SND1: variants seen among roughly 807,000 people sequenced by gnomAD.
The protein encoded by SND1 is staphylococcal nuclease and tudor domain containing 1.
In SND1, 38 loss-of-function variants were observed where a neutral mutation model predicts 121.7. The observed-to-expected ratio is 0.31, with a 90% CI of 0.24 to 0.41. The LOEUF (loss-of-function observed/expected upper bound fraction) is 0.41, where lower values mean the gene tolerates loss of function less well. Among genes scored for constraint, SND1 ranks in the 10% least tolerant of loss-of-function variants. The pLI is 1.00. For synonymous variants in SND1, 401 were observed against 447.4 expected, an observed-to-expected ratio of 0.90 and a Z score of 1.31; for missense variants, 868 against 1,184.6, an observed-to-expected ratio of 0.73 and a Z score of 3.92.
chr7:127,998,732 A>C (rs1254837519), intron 16 of SND1: 1 of 152,220 alleles, frequency 6.6e-6, no homozygotes, highest in Non-Finnish European at 1.5e-5. Context: ...TCACAAGGAG[A>C]AAAGTGGAGG....
In SND1 at chr7:128,029,122, G is replaced by T; in HGVS notation, c.1779+38066G>T. On this transcript the variant is annotated intron_variant, in intron 16 of 23. Coordinates refer to ENST00000354725, the MANE Select transcript of SND1 (RefSeq NM_014390.4). The surrounding 1 kb of genome is among the most constrained non-coding windows in gnomAD (Gnocchi z 4.2). ...ATCTTGTCAGTGGTGTCTGTCGCGGGTACTGCCACCTGCTTGGGCACACGG... is the reference window on the plus strand; with the variant it reads ...ATCTTGTCAGTGGTGTCTGTCGCGGTTACTGCCACCTGCTTGGGCACACGG... 1 of 1,614,116 alleles carries T rather than the reference G, an allele frequency of 6.2e-7. No individual in the cohort carries two copies. Among genetic ancestry groups the T allele is most frequent in the Non-Finnish European group, 8.5e-7 (1 of 1,180,032 alleles).
chr7:127,852,319 C>T (rs979419380), intron 12 of SND1, among the ~76,000 whole-genome samples: 10 of 148,878 alleles, frequency 6.7e-5, no homozygotes, highest in African/African-American at 2.2e-4. Flanking sequence ...TATGATGAAA[C>T]CCCATCTCTA....
chr7:127,711,608 C>T (rs906021665), intron 9 of SND1, among the ~76,000 whole-genome samples: 10 of 151,972 alleles, frequency 6.6e-5, no homozygotes, highest in Non-Finnish European at 1.2e-4. Flanking sequence ...CATATTATGC[C>T]TCAATGTTTA....
At chr7:127,984,275 T>A (rs934299985) in intron 15 of SND1, among the ~76,000 whole-genome samples, 8 of 152,242 alleles carry the variant, frequency 5.3e-5, no homozygotes, top group African/African-American at 1.9e-4. Flanking sequence ...CTGGTCAGTG[T>A]TGACCACTTC....
Position 128,085,395 on chromosome 7 carries a change from C to T in SND1, c.2235-316C>T, listed in dbSNP as rs1793672521. On this transcript the variant is annotated intron_variant, in intron 19 of 23. Coordinates refer to ENST00000354725, the MANE Select transcript of SND1 (RefSeq NM_014390.4). This position sits in a 1 kb window ranked among gnomAD's most constrained non-coding sequence, Gnocchi z 4.4. ...AGGCAGATCTGCTGGCTAATTACAG[C>T]TGCTGTTTAGTGCACTGGGTTTAAA... is the stretch of plus-strand genomic sequence containing the variant. Among the ~76,000 whole-genome samples the T allele has an allele frequency of 6.6e-6, 1 of 152,186 alleles. No homozygotes were observed. Among genetic ancestry groups the T allele is most frequent in the Non-Finnish European group, 1.5e-5 (1 of 68,036 alleles).
intron 16 of SND1, among the ~76,000 whole-genome samples, chr7:128,049,381 C>G (rs909339463): frequency 6.6e-6 from 1 of 152,190 alleles, no homozygotes; most frequent in Admixed American, 6.5e-5. Flanking sequence ...CTTAACTGCT[C>G]TTTCCCCGAA....
chr7:127,930,215 A>G (rs965248745), intron 15 of SND1, among the ~76,000 whole-genome samples: 4 of 151,192 alleles, frequency 2.6e-5, no homozygotes, highest in South Asian at 2.1e-4. Context: ...CCAGATGCAC[A>G]TGGTCCCCAC....
intron 12 of SND1, among the ~76,000 whole-genome samples, chr7:127,858,727 T>C (rs1799328029): frequency 6.6e-6 from 1 of 152,172 alleles, no homozygotes; most frequent in African/African-American, 2.4e-5. Context: ...TTCTGACCAA[T>C]ATGAAATAAA....
intron 11 of SND1, among the ~76,000 whole-genome samples, chr7:127,811,305 T>C (rs1238961866): frequency 6.6e-6 from 1 of 152,222 alleles, no homozygotes; most frequent in Non-Finnish European, 1.5e-5. Context: ...TGTTCTCTTT[T>C]CAAAATCTGT....
At chr7:127,811,297 T>C (rs1260803914) in intron 11 of SND1, among the ~76,000 whole-genome samples, 1 of 152,242 alleles carries the variant, frequency 6.6e-6, no homozygotes, top group Non-Finnish European at 1.5e-5. Flanking sequence ...TAGATTGTTG[T>C]TCTCTTTTCA....
rs1051413323 is a variant in SND1 at position 127,927,578 on chromosome 7, C to T, written c.1528-1610C>T. On this transcript the variant is annotated intron_variant, in intron 14 of 23. Coordinates refer to ENST00000354725, the MANE Select transcript of SND1 (RefSeq NM_014390.4). ...AAGTGTTCAATGGGGAAGTTTCCAA[C>T]CCCCTAAAGCTCATGGTTACCTTGC... is the stretch of plus-strand genomic sequence containing the variant. Among the ~76,000 whole-genome samples the T allele has an allele frequency of 2.0e-5, 3 of 152,178 alleles. 1 individual carries two copies. Among genetic ancestry groups the T allele is most frequent in the African/African-American group, 7.2e-5 (3 of 41,442 alleles).
chr7:127,732,451 C>T (rs1424783610), intron 10 of SND1, among the ~76,000 whole-genome samples: 1 of 152,180 alleles, frequency 6.6e-6, no homozygotes, highest in Non-Finnish European at 1.5e-5. Flanking sequence ...TTCTTATATG[C>T]CCTTGTCTTG....
intron 10 of SND1, among the ~76,000 whole-genome samples, chr7:127,742,384 G>A (rs1391158917): frequency 1.3e-5 from 2 of 152,156 alleles, no homozygotes; most frequent in Non-Finnish European, 1.5e-5. Context: ...GGTCACTAGA[G>A]ATAGTAACTC....
At chr7:127,821,824 TG>T (rs1280406461) in intron 11 of SND1, among the ~76,000 whole-genome samples, 3 of 152,214 alleles carry the variant, frequency 2.0e-5, no homozygotes, top group Non-Finnish European at 4.4e-5. Context: ...TAAATGAATT[TG>T]GTTGTTTTAT....
chr7:127,761,071 A>G (rs563344753), intron 10 of SND1, among the ~76,000 whole-genome samples: 18 of 152,330 alleles, frequency 1.2e-4, no homozygotes, highest in African/African-American at 4.1e-4. Flanking sequence ...TGGAAAGCAT[A>G]GTTTTCATCA....
intron 16 of SND1, 26 bp from the exon 17 acceptor site, chr7:128,074,476 G>A (rs1391597067): frequency 1.9e-6 from 3 of 1,595,654 alleles, no homozygotes; most frequent in Middle Eastern, 1.8e-4. Context: ...GGCCCCCACA[G>A]GCTTACGCCT....
intron 21 of SND1, among the ~76,000 whole-genome samples, chr7:128,087,906 G>A (rs1251591961): frequency 1.3e-5 from 2 of 152,156 alleles, no homozygotes; most frequent in Admixed American, 1.3e-4. Context: ...AGTCTACAAT[G>A]TCCAGATCCC....
chr7:127,691,651 C>T (rs537582942), intron 2 of SND1, among the ~76,000 whole-genome samples: 3 of 152,022 alleles, frequency 2.0e-5, no homozygotes, highest in South Asian at 2.1e-4. Flanking sequence ...CTCGCTTTGT[C>T]GCCCGGGCTG....
intron 15 of SND1, among the ~76,000 whole-genome samples, chr7:127,933,273 G>T (rs908513173): frequency 1.3e-5 from 2 of 152,214 alleles, no homozygotes; most frequent in African/African-American, 4.8e-5. Flanking sequence ...GCCAGTTCCT[G>T]TGTGTATTTG....
Sources: gnomAD v4.1 joint callset for allele counts (sites outside exome capture counted in the v4.1 genomes callset) on GRCh38, gnomAD v4.1.1 for gene constraint, Gnocchi (gnomAD v3.1) non-coding constraint, MANE v1.5 for transcripts, NCBI Gene and HGNC (gene_info 2026-07-23, HGNC 2026-07-21) for gene names.